Variants in BEND7 observed in about 807,000 individuals in gnomAD.
BEND7 encodes BEN domain containing 7, also known as BEN domain-containing protein 7.
BEND7 carries 28 observed loss-of-function variants against 50.9 expected under a neutral mutation model. The observed-to-expected ratio is 0.55, with a 90% CI of 0.41 to 0.75. The LOEUF (loss-of-function observed/expected upper bound fraction) is 0.75. Ranked by LOEUF, BEND7 falls within the 30% of genes least tolerant of loss-of-function variation. The probability of loss-of-function intolerance (pLI) is 0.00; values close to 1 mark genes in which losing one functional copy is unlikely to be tolerated. For synonymous variants in BEND7, 170 were observed against 183.9 expected, an observed-to-expected ratio of 0.92 and a Z score of 0.61; for missense variants, 477 against 491.3, an observed-to-expected ratio of 0.97 and a Z score of 0.28.
chr10:13,513,319 C>T (rs1341621383), intron 2 of BEND7, among the ~76,000 whole-genome samples: 2 of 152,180 alleles, frequency 1.3e-5, no homozygotes, highest in Non-Finnish European at 2.9e-5. Flanking sequence ...TCTCTCCTGG[C>T]TCCACTGACT....
At chr10:13,487,450 G>A (rs1475547788) in intron 5 of BEND7, among the ~76,000 whole-genome samples, 2 of 147,696 alleles carry the variant, frequency 1.4e-5, no homozygotes, top group East Asian at 4.0e-4. Context: ...ACAATGGTGC[G>A]ATTTTGGCTC....
chr10:13,456,852 T>C lies in BEND7; in HGVS notation c.1064-4194A>G, dbSNP rs529398809. 5.9e-4 allele frequency among the ~76,000 whole-genome samples: 90 copies of C among 152,298 alleles called. 2 individuals carry two copies. The South Asian group carries it at 0.018, about 31-fold the overall frequency. On this transcript the variant is annotated intron_variant, in intron 6 of 8. Transcript: ENST00000466271. ...ATTTAGGCTAATTGGGGGAAAATGGTCTATCTGAATTAGCAGGAAGTCTTT... is the reference window on the plus strand; with the variant it reads ...ATTTAGGCTAATTGGGGGAAAATGGCCTATCTGAATTAGCAGGAAGTCTTT...
At chr10:13,459,040 G>A (rs577141203) in intron 6 of BEND7, among the ~76,000 whole-genome samples, 2 of 152,358 alleles carry the variant, frequency 1.3e-5, no homozygotes, top group East Asian at 1.9e-4. Context: ...ACATCTAACA[G>A]GAGTTATTTT....
At chr10:13,527,104 C>G (rs1342487326) in intron 1 of BEND7, among the ~76,000 whole-genome samples, 1 of 152,178 alleles carries the variant, frequency 6.6e-6, no homozygotes, top group Non-Finnish European at 1.5e-5. Context: ...CAGTTAAGTT[C>G]TCTGAGGTCA....
At chr10:13,498,592 G>A (rs1042940407) in intron 3 of BEND7, among the ~76,000 whole-genome samples, 8 of 152,056 alleles carry the variant, frequency 5.3e-5, no homozygotes, top group African/African-American at 1.9e-4. Context: ...TCTCTTCCAT[G>A]GTAGTAGAGT....
At chr10:13,468,154 G>A (rs1296815105) in intron 6 of BEND7, among the ~76,000 whole-genome samples, 4 of 152,176 alleles carry the variant, frequency 2.6e-5, no homozygotes, top group Non-Finnish European at 5.9e-5. Context: ...CTCCATAGAA[G>A]TCATCAATAG....
At chr10:13,504,209 G>A (rs2077699116) in intron 2 of BEND7, among the ~76,000 whole-genome samples, 1 of 152,210 alleles carries the variant, frequency 6.6e-6, no homozygotes, top group Admixed American at 6.5e-5. Flanking sequence ...CTCGTTGAGT[G>A]TGGTGCAGTG....
chr10:13,472,566 C>T (rs1031269568), intron 6 of BEND7, among the ~76,000 whole-genome samples: 2 of 151,752 alleles, frequency 1.3e-5, no homozygotes, highest in Non-Finnish European at 2.9e-5. Context: ...CGATATCCGT[C>T]ATCACTGTTA....
At chr10:13,508,636 T>C (rs1351308968) in intron 2 of BEND7, among the ~76,000 whole-genome samples, 1 of 152,262 alleles carries the variant, frequency 6.6e-6, no homozygotes, top group Non-Finnish European at 1.5e-5. Context: ...CAGCCCAATG[T>C]ATACATGGCA....
intron 6 of BEND7, among the ~76,000 whole-genome samples, chr10:13,475,648 A>G (rs1182215321): frequency 6.6e-6 from 1 of 152,262 alleles, no homozygotes; most frequent in African/African-American, 2.4e-5. Flanking sequence ...TGCTTTGCAT[A>G]AACAACCGAC....
In BEND7 at chr10:13,496,902, A is replaced by G; in HGVS notation, c.449-14T>C. The G allele has an allele frequency of 6.3e-7, 1 of 1,593,332 alleles. No individual in the cohort carries two copies. Among genetic ancestry groups the G allele is most frequent in the Non-Finnish European group, 8.5e-7 (1 of 1,175,396 alleles). On this transcript the variant is annotated splice_polypyrimidine_tract_variant and intron_variant, in intron 3 of 8. Transcript: ENST00000466271. ...CTGGAAGTTCTCCTGAGCATGAAAG[A>G]AAAGAATGACATACTCCAAACAAAC...
chr10:13,498,033 C>T (rs1009575280), intron 3 of BEND7, among the ~76,000 whole-genome samples: 3 of 151,004 alleles, frequency 2.0e-5, no homozygotes, highest in African/African-American at 7.3e-5. Flanking sequence ...CAATGAAATA[C>T]CAAAGTAGTC....
rs1835332085 is a variant in BEND7, at chr10:13,441,578, C to T, written c.*165G>A. On this transcript the variant is annotated 3_prime_UTR_variant, in exon 9 of 9. Transcript: ENST00000466271. ...TTAACAGACCACAGTTGGAAGTTAG[C>T]GTTTCTGCCTTGACCAGCAACATAC... The T allele has an allele frequency of 4.1e-6, 6 of 1,457,422 alleles. No homozygotes were observed. Among genetic ancestry groups the T allele is most frequent in the Non-Finnish European group, 5.4e-6 (6 of 1,104,716 alleles). The allele number at this position is 1,457,422 out of a possible 1,614,324, so 90.3% of individuals were successfully genotyped here.
intron 7 of BEND7, among the ~76,000 whole-genome samples, chr10:13,449,804 T>C (rs1434243618): frequency 6.6e-6 from 1 of 152,206 alleles, no homozygotes; most frequent in African/African-American, 2.4e-5. Context: ...GATGATTATA[T>C]ATAAATCAGA....
At chr10:13,515,652 A>T (rs1165061977) in intron 2 of BEND7, among the ~76,000 whole-genome samples, 1 of 152,082 alleles carries the variant, frequency 6.6e-6, no homozygotes, top group Non-Finnish European at 1.5e-5. Flanking sequence ...GTGCCCTTTG[A>T]CCTCTCTCTC....
intron 6 of BEND7, among the ~76,000 whole-genome samples, chr10:13,475,983 T>G (rs753484562): frequency 1.3e-5 from 2 of 152,220 alleles, no homozygotes; most frequent in Non-Finnish European, 2.9e-5. Context: ...ACCTTGTTCT[T>G]ATAAAAAGTT....
intron 7 of BEND7, among the ~76,000 whole-genome samples, chr10:13,447,872 T>C (rs1836761224): frequency 6.6e-6 from 1 of 152,198 alleles, no homozygotes; most frequent in African/African-American, 2.4e-5. Context: ...GGCTTGAATA[T>C]CGAACCAGCA....
At chr10:13,472,585 G>A (rs1049517537) in intron 6 of BEND7, among the ~76,000 whole-genome samples, 4 of 151,978 alleles carry the variant, frequency 2.6e-5, no homozygotes, top group Non-Finnish European at 5.9e-5. Context: ...TAGATTTGGG[G>A]TTGATACCCG....
chr10:13,510,020 T>G (rs949283508), intron 2 of BEND7, among the ~76,000 whole-genome samples: 2 of 152,226 alleles, frequency 1.3e-5, no homozygotes, highest in Non-Finnish European at 2.9e-5. Flanking sequence ...GATGAGTAAC[T>G]GCATCTAACA....
Sources: gnomAD v4.1 joint callset for allele counts (sites outside exome capture counted in the v4.1 genomes callset) on GRCh38, gnomAD v4.1.1 for gene constraint, MANE v1.5 for transcripts, NCBI Gene and HGNC (gene_info 2026-07-23, HGNC 2026-07-21) for gene names.